Variants in SLC44A3 observed in about 807,000 individuals in gnomAD.
SLC44A3 encodes solute carrier family 44 member 3, also known as choline transporter-like protein 3.
In SLC44A3, 74 loss-of-function variants were observed where a neutral mutation model predicts 75.4. That is an observed-to-expected ratio of 0.98 (90% CI 0.81 to 1.19). SLC44A3 has a LOEUF of 1.19. Among genes scored for constraint, SLC44A3 ranks in the 50% most tolerant of loss-of-function variants. The pLI, the probability that SLC44A3 is intolerant of heterozygous loss-of-function variation, is 0.00. For synonymous variants in SLC44A3, 310 were observed against 296.9 expected (o/e 1.04, Z -0.45); for missense variants, 700 against 778.6 (o/e 0.90, Z 1.20).
chr1:94,821,731 A>G (rs930564531), intron 2 of SLC44A3, among the ~76,000 whole-genome samples: 1 of 152,222 alleles, frequency 6.6e-6, no homozygotes, highest in African/African-American at 2.4e-5. Context: ...ACTTTCACGA[A>G]ATCATCCATG....
intron 9 of SLC44A3, among the ~76,000 whole-genome samples, chr1:94,851,758 G>A (rs1366525157): frequency 6.6e-6 from 1 of 152,218 alleles, no homozygotes; most frequent in East Asian, 1.9e-4. Flanking sequence ...TCAGCAGGCT[G>A]GGGCTGGCAG....
At chr1:94,836,836 T>C (rs1436521391) in intron 5 of SLC44A3, 2 of 148,086 alleles carry the variant, frequency 1.4e-5, no homozygotes, top group Admixed American at 7.0e-5. Flanking sequence ...GCTTGAGCCC[T>C]GGAGGCAGAG....
intron 5 of SLC44A3, among the ~76,000 whole-genome samples, chr1:94,830,106 A>G (rs1011582179): frequency 1.3e-5 from 2 of 152,262 alleles, no homozygotes; most frequent in Admixed American, 1.3e-4. Context: ...TCGGAGGCAG[A>G]AAATAGCCAT....
At chr1:94,823,818 C>T (rs1258442978) in intron 2 of SLC44A3, among the ~76,000 whole-genome samples, 1 of 152,166 alleles carries the variant, frequency 6.6e-6, no homozygotes, top group East Asian at 1.9e-4. Flanking sequence ...CATATTCAAT[C>T]TTGGCAGAGA....
At chr1:94,886,118 C>T (rs910896369) in intron 12 of SLC44A3, among the ~76,000 whole-genome samples, 1 of 152,228 alleles carries the variant, frequency 6.6e-6, no homozygotes, top group Non-Finnish European at 1.5e-5. Flanking sequence ...GGTCGGTGTG[C>T]TCAATGGCTG....
At chr1:94,826,199 A>C (rs1340379311) in intron 3 of SLC44A3, among the ~76,000 whole-genome samples, 1 of 152,220 alleles carries the variant, frequency 6.6e-6, no homozygotes. Context: ...TCCTAGAAAC[A>C]GAAAGTAAAA....
Position 94,849,378 on chromosome 1 carries a change from A to C in SLC44A3, c.1072+3914A>C, listed in dbSNP as rs3860358. 2.5e-3 allele frequency among the ~76,000 whole-genome samples: 376 copies of C among 152,166 alleles called. 1 individual carries two copies. Among genetic ancestry groups the C allele is most frequent in the African/African-American group, 8.6e-3 (356 of 41,510 alleles). On this transcript the variant is annotated intron_variant, in intron 9 of 14. Transcript: ENST00000271227. ...CTTCCCCACCCCGCTGGGGTCAGGC[A>C]TCATAGAAACCAAATCACCCGTCCC...
chr1:94,870,691 C>A (rs549241698), intron 12 of SLC44A3, among the ~76,000 whole-genome samples: 1 of 151,996 alleles, frequency 6.6e-6, no homozygotes, highest in East Asian at 1.9e-4. Flanking sequence ...TTTTTGTTTT[C>A]TTTTGTTTGA....
intron 10 of SLC44A3, among the ~76,000 whole-genome samples, chr1:94,860,932 G>C (rs2101349184): frequency 6.6e-6 from 1 of 152,320 alleles, no homozygotes; most frequent in East Asian, 1.9e-4. Flanking sequence ...TAGACAATGG[G>C]CTCCAGGAGA....
chr1:94,827,691 T>G, intron 4 of SLC44A3, 48 bp downstream of exon 4: 2 of 1,606,570 alleles, frequency 1.2e-6, no homozygotes, highest in Non-Finnish European at 1.7e-6. Context: ...TGGGGTAAGC[T>G]GTGGGGACCT....
chr1:94,877,352 A>G (rs982946961), intron 12 of SLC44A3, among the ~76,000 whole-genome samples: 1 of 152,118 alleles, frequency 6.6e-6, no homozygotes, highest in African/African-American at 2.4e-5. Context: ...GGAAAACAAA[A>G]GCCAGTGAGA....
In SLC44A3 at chr1:94,841,029, G is replaced by A. The variant is rs117625962; in HGVS notation, c.761-971G>A. On this transcript the variant is annotated intron_variant, in intron 7 of 14. Coordinates refer to ENST00000271227, the MANE Select transcript of SLC44A3 (RefSeq NM_001114106.3). ...CATCACTCAGCAATTTCCTCATTGT[G>A]TGAACATCACAGGGTGCACTTACAC... Among the ~76,000 whole-genome samples, 718 of 152,294 alleles carry A rather than the reference G, an allele frequency of 4.7e-3. 10 individuals carry two copies. The East Asian group carries it at 0.061, about 13-fold the overall frequency.
chr1:94,857,019 C>G (rs1355856601), intron 9 of SLC44A3, among the ~76,000 whole-genome samples: 1 of 152,190 alleles, frequency 6.6e-6, no homozygotes, highest in African/African-American at 2.4e-5. Flanking sequence ...GCATGAGCCA[C>G]CACACCCAGC....
chr1:94,891,234 CT>C lies in SLC44A3; in HGVS notation c.1588del (p.Cys530AlafsTer6). 6.2e-7 allele frequency: 1 copy of C among 1,613,186 alleles called. No individual in the cohort carries two copies. Among genetic ancestry groups the C allele is most frequent in the Non-Finnish European group, 8.5e-7 (1 of 1,179,646 alleles). Reference sequence around the variant, plus strand: ...ACTCAAGTCACTTTACATCTATTAACTGCTTTGGAGACTTCATAATTTTTCT... The same window carrying C: ...ACTCAAGTCACTTTACATCTATTAACGCTTTGGAGACTTCATAATTTTTCT... ...KNSSHFTSIN[C>X]FGDFIIFLGK... is the part of the protein sequence containing the mutation. On this transcript the variant is annotated frameshift_variant, in exon 13 of 15. Coordinates refer to ENST00000271227, the MANE Select transcript of SLC44A3 (RefSeq NM_001114106.3). LOFTEE classifies it high-confidence loss of function.
At chr1:94,863,924 AAAC>A (rs763093845) in intron 10 of SLC44A3, among the ~76,000 whole-genome samples, 10 of 152,248 alleles carry the variant, frequency 6.6e-5, no homozygotes, top group Non-Finnish European at 1.3e-4. Flanking sequence ...CATTATAAAG[AAAC>A]CAAGCTTCAC....
At chr1:94,826,016 A>G (rs1661286963) in intron 3 of SLC44A3, 2 of 443,080 alleles carry the variant, frequency 4.5e-6, no homozygotes, top group Non-Finnish European at 9.2e-6. Context: ...GGTTGAATGG[A>G]TAATCAAAAT....
chr1:94,828,094 C>T (rs539350653), intron 4 of SLC44A3, among the ~76,000 whole-genome samples: 7 of 152,308 alleles, frequency 4.6e-5, no homozygotes, highest in East Asian at 1.9e-4. Flanking sequence ...TGGGATGTCA[C>T]AAGTTGTACC....
At chr1:94,841,846 A>T (rs983387753) in intron 7 of SLC44A3, among the ~76,000 whole-genome samples, 154 bp from the exon 8 acceptor site, 14 of 152,202 alleles carry the variant, frequency 9.2e-5, no homozygotes, top group African/African-American at 3.4e-4. Flanking sequence ...AGAGGGCAGC[A>T]GTTGCTTGTA....
chr1:94,863,642 C>A (rs1666844669), intron 10 of SLC44A3, among the ~76,000 whole-genome samples: 1 of 152,220 alleles, frequency 6.6e-6, no homozygotes, highest in South Asian at 2.1e-4. Flanking sequence ...TTAGCAATAG[C>A]TTCCGTGGTT....
Sources: allele counts gnomAD v4.1 joint callset (sites outside exome capture counted in the v4.1 genomes callset), GRCh38; gene constraint gnomAD v4.1.1; transcripts MANE v1.5; gene names NCBI Gene and HGNC (gene_info 2026-07-23, HGNC 2026-07-21).